ALDH1A3: variants seen among roughly 807,000 people sequenced by gnomAD.
ALDH1A3 encodes aldehyde dehydrogenase 1 family member A3.
ALDH1A3 carries 28 observed loss-of-function variants against 57.5 expected under a neutral mutation model. The observed-to-expected ratio is 0.49, with a 90% CI of 0.36 to 0.67. The LOEUF is 0.67. Among genes scored for constraint, ALDH1A3 ranks in the 30% least tolerant of loss-of-function variants. ALDH1A3 has a pLI of 0.00. For synonymous variants in ALDH1A3, 281 were observed against 264.8 expected (o/e 1.06, Z -0.59); for missense variants, 507 against 669.4 (o/e 0.76, Z 2.68).
intron 12 of ALDH1A3, among the ~76,000 whole-genome samples, chr15:100,909,111 C>T (rs12909825): frequency 0.56 from 71,877 of 128,980 alleles, 19,617 homozygotes; most frequent in East Asian, 0.67. Context: ...CCCCTCCGTG[C>T]GTGTGCAAAC....
intron 1 of ALDH1A3, chr15:100,881,553 A>G (rs1421431858): frequency 6.6e-6 from 1 of 152,160 alleles, no homozygotes; most frequent in Non-Finnish European, 1.5e-5. Flanking sequence ...CCACATACAA[A>G]AAGTTTACCT....
rs562858835 is a variant in ALDH1A3, at chr15:100,915,487, C to T, written c.*714C>T. 4.6e-5 allele frequency: 7 copies of T among 152,314 alleles called. No individual in the cohort carries two copies. Among genetic ancestry groups the T allele is most frequent in the South Asian group, 4.1e-4 (2 of 4,828 alleles). 9.4% of individuals were successfully genotyped at this position (152,314 alleles called of 1,614,324 possible). A position where few individuals can be genotyped will look rare whatever the true frequency, so the allele number is the denominator to read the frequency against. ...GAGAGCTTAGTCAAAGACGATATCA[C>T]GGTCTACCTTAACCAAGGCACTTTC... On this transcript the variant is annotated 3_prime_UTR_variant, in exon 13 of 13. Transcript: ENST00000329841.
At chr15:100,884,993 G>C (rs1395832369) in intron 1 of ALDH1A3, among the ~76,000 whole-genome samples, 2 of 152,074 alleles carry the variant, frequency 1.3e-5, no homozygotes, top group Non-Finnish European at 2.9e-5. Flanking sequence ...TATTGCTGAA[G>C]ATAATAATAA....
At position 100,894,155 on chromosome 15, in the gene ALDH1A3, C is replaced by G. The variant is rs570017504; in HGVS notation, c.666+73C>G. On this transcript the variant is annotated intron_variant, in intron 6 of 12. Transcript: ENST00000329841. This position sits in a 1 kb window ranked among gnomAD's most constrained non-coding sequence, Gnocchi z 4.5. Reference sequence around the variant, plus strand: ...ACTCCTAGGAACCAGGCCACCGTCACGAGATGGGACAGTGGCAGACTGCTG... The same window carrying G: ...ACTCCTAGGAACCAGGCCACCGTCAGGAGATGGGACAGTGGCAGACTGCTG... 2 of 1,560,008 alleles carry G rather than the reference C, an allele frequency of 1.3e-6. No homozygotes were observed. Among genetic ancestry groups the G allele is most frequent in the East Asian group, 2.3e-5 (1 of 44,432 alleles).
In ALDH1A3 at chr15:100,896,102, C is replaced by T. The variant is rs4646669; in HGVS notation, c.780+56C>T. ...TGAAAGGGGCGTGTTATTTGACACC[C>T]GTGAGCTTTTCCTTTGACAGGCTTT... On this transcript the variant is annotated intron_variant, in intron 7 of 12. Transcript: ENST00000329841. 0.17 allele frequency: 225,582 copies of T among 1,347,706 alleles called. 21,051 individuals are homozygous for T. The highest frequency in any genetic ancestry group is 0.41 in the East Asian group (16,473 of 40,234). 83.5% of individuals were successfully genotyped at this position (1,347,706 alleles called of 1,614,324 possible). A position where few individuals can be genotyped will look rare whatever the true frequency, so the allele number is the denominator to read the frequency against.
chr15:100,895,631 G>A lies in ALDH1A3; in HGVS notation c.667-302G>A, dbSNP rs957649285. 5 of 405,762 alleles carry A rather than the reference G, an allele frequency of 1.2e-5. 1 individual carries two copies. The South Asian group carries it at 1.3e-4, about 11-fold the overall frequency. 25.1% of individuals were successfully genotyped at this position (405,762 alleles called of 1,614,324 possible). On this transcript the variant is annotated intron_variant, in intron 6 of 12. Coordinates refer to ENST00000329841, the MANE Select transcript of ALDH1A3 (RefSeq NM_000693.4). ...GGTGCTGTGCTACAGGCGGGCCATG[G>A]CCACCTTGAAGCATAACCACACATT...
At position 100,879,953 on chromosome 15, in the gene ALDH1A3, A is replaced by G. The variant is rs1396346512; in HGVS notation, c.46A>G (p.Lys16Glu). The change falls in exon 1 of 13, where the codon AAG becomes GAG. Residue 16 changes from lysine (K) to glutamate (E), a missense_variant. Lys to Glu is a moderately conservative substitution (Grantham distance 56). Around this residue, in one of 2 missense-constraint regions of ALDH1A3, gnomAD observed 75 missense variants for 61.0 expected, o/e 1.23. Coordinates refer to ENST00000329841, the MANE Select transcript of ALDH1A3 (RefSeq NM_000693.4). Reference protein sequence around the residue: ...GAVENGQPDRKPPALPRPIRN... With the variant: ...GAVENGQPDREPPALPRPIRN... ...CGTGGAAAACGGGCAGCCGGACAGGAAGCCGCCGGCCCTGCCGCGCCCCAT... is the reference window on the plus strand; with the variant it reads ...CGTGGAAAACGGGCAGCCGGACAGGGAGCCGCCGGCCCTGCCGCGCCCCAT... The G allele has an allele frequency of 6.8e-7, 1 of 1,474,588 alleles. No homozygotes were observed. Among genetic ancestry groups the G allele is most frequent in the Admixed American group, 2.4e-5 (1 of 41,960 alleles). 91.3% of individuals were successfully genotyped at this position (1,474,588 alleles called of 1,614,324 possible).
At chr15:100,905,759 G>T in intron 10 of ALDH1A3, 72 bp downstream of exon 10, 1 of 1,411,900 alleles carries the variant, frequency 7.1e-7, no homozygotes, top group Admixed American at 2.5e-5. Flanking sequence ...AGGGCCCAGG[G>T]ATCCCAGAAA....
intron 9 of ALDH1A3, among the ~76,000 whole-genome samples, chr15:100,904,592 C>T (rs1032687378): frequency 1.3e-5 from 2 of 152,148 alleles, no homozygotes; most frequent in Non-Finnish European, 2.9e-5. Flanking sequence ...GGGAGACCAG[C>T]CACAGATCAT....
rs1368169761 is a variant in ALDH1A3, at chr15:100,887,001, C to T, written c.205-571C>T. ...TCGTGTGCGTTCACACTGAGGCAGCCAGTGGAAAGTCCTTCCGTACTTGGG... is the reference window on the plus strand; with the variant it reads ...TCGTGTGCGTTCACACTGAGGCAGCTAGTGGAAAGTCCTTCCGTACTTGGG... On this transcript the variant is annotated intron_variant, in intron 2 of 12. Transcript: ENST00000329841. This position sits in a 1 kb window ranked among gnomAD's most constrained non-coding sequence, Gnocchi z 4.6. Among the ~76,000 whole-genome samples the T allele has an allele frequency of 1.3e-5, 2 of 152,304 alleles. No homozygotes were observed. The highest frequency in any genetic ancestry group is 4.1e-4 in the South Asian group (2 of 4,820).
At chr15:100,901,359 A>T (rs894498715) in intron 9 of ALDH1A3, among the ~76,000 whole-genome samples, 4 of 152,188 alleles carry the variant, frequency 2.6e-5, no homozygotes, top group Non-Finnish European at 1.5e-5. Context: ...AGATGGATAA[A>T]TATTTAAAAG....
chr15:100,903,404 T>C (rs1425206860), intron 9 of ALDH1A3, among the ~76,000 whole-genome samples: 3 of 152,306 alleles, frequency 2.0e-5, no homozygotes, highest in East Asian at 3.9e-4. Flanking sequence ...CTTTTTCACA[T>C]GTGTATGGAA....
In ALDH1A3 at chr15:100,880,021, C is replaced by T. The variant is rs749764506; in HGVS notation, c.99+15C>T. 1.9e-4 allele frequency: 280 copies of T among 1,444,812 alleles called. No individual in the cohort carries two copies. In the Middle Eastern group the frequency reaches 2.4e-3, roughly 12 times the overall value. 89.5% of individuals were successfully genotyped at this position (1,444,812 alleles called of 1,614,324 possible). A position where few individuals can be genotyped will look rare whatever the true frequency, so the allele number is the denominator to read the frequency against. On this transcript the variant is annotated intron_variant, in intron 1 of 12. Coordinates refer to ENST00000329841, the MANE Select transcript of ALDH1A3 (RefSeq NM_000693.4). The stretch of plus-strand genomic sequence containing the variant: ...AGTTCACCAAGGTGAGGCGGGCGCC[C>T]CTCCCACCCGACGGCCGCGGGCCCC...
At chr15:100,900,320 T>A (rs949125830) in intron 8 of ALDH1A3, among the ~76,000 whole-genome samples, 6 of 152,210 alleles carry the variant, frequency 3.9e-5, no homozygotes, top group African/African-American at 1.2e-4. Flanking sequence ...TCTGGACTTA[T>A]TAGCATATTA....
rs757739364 is a variant in ALDH1A3, at chr15:100,905,702, T to C, written c.1233+15T>C. 1.3e-6 allele frequency: 2 copies of C among 1,536,614 alleles called. No individual in the cohort carries two copies. The highest frequency in any genetic ancestry group is 4.0e-5 in the Admixed American group (2 of 49,654). On this transcript the variant is annotated intron_variant, in intron 10 of 12. Coordinates refer to ENST00000329841, the MANE Select transcript of ALDH1A3 (RefSeq NM_000693.4). ...CCAAAGAGGAGGTACAAGGGGGCTGTGGCAAGGCTACGACTTGCGGGGCCT... is the reference window on the plus strand; with the variant it reads ...CCAAAGAGGAGGTACAAGGGGGCTGCGGCAAGGCTACGACTTGCGGGGCCT...
chr15:100,889,485 T>C lies in ALDH1A3; in HGVS notation c.345+1773T>C. On this transcript the variant is annotated intron_variant, in intron 3 of 12. Transcript: ENST00000329841. The surrounding 1 kb of genome is among the most constrained non-coding windows in gnomAD (Gnocchi z 5.1). ...GCTTCTCTCTGAGGAGCCTCTGGTT[T>C]CTTCCTGCAACGTAAGCCAGCGTCA... Among the ~76,000 whole-genome samples, 1 of 152,214 alleles carries C rather than the reference T, an allele frequency of 6.6e-6. No homozygotes were observed. The highest frequency in any genetic ancestry group is 2.1e-4 in the South Asian group (1 of 4,836).
chr15:100,910,503 G>A (rs1466340267), intron 12 of ALDH1A3, among the ~76,000 whole-genome samples: 1 of 152,220 alleles, frequency 6.6e-6, no homozygotes, highest in African/African-American at 2.4e-5. Context: ...AGCTCTCTAT[G>A]CCTGTTCCTT....
intron 2 of ALDH1A3, among the ~76,000 whole-genome samples, chr15:100,885,956 G>A (rs766070603): frequency 1.4e-4 from 21 of 152,192 alleles, no homozygotes; most frequent in Non-Finnish European, 1.5e-4. Context: ...AGGGACTTCC[G>A]AATGTGTCCT....
At chr15:100,914,575 C>T (rs151332893) in intron 12 of ALDH1A3, 126 bp from the exon 13 acceptor site, 8 of 765,496 alleles carry the variant, frequency 1.0e-5, no homozygotes, top group Non-Finnish European at 1.5e-5. Flanking sequence ...TCCATGAGGT[C>T]GTCACATTTT....
Sources: gnomAD v4.1 joint callset for allele counts (sites outside exome capture counted in the v4.1 genomes callset) on GRCh38, gnomAD v4.1.1 for gene constraint, gnomAD v4.1.1 regional missense constraint, Gnocchi (gnomAD v3.1) non-coding constraint, MANE v1.5 for transcripts, NCBI Gene and HGNC (gene_info 2026-07-23, HGNC 2026-07-21) for gene names.